Variants in DYSF observed in about 807,000 individuals in gnomAD.
DYSF encodes dystrophy-associated fer-1-like 1.
DYSF carries 212 observed loss-of-function variants against 274.9 expected under a neutral mutation model. That is an observed-to-expected ratio of 0.77 (90% CI 0.69 to 0.86). The LOEUF is 0.86. Ranked by LOEUF, DYSF falls within the 40% of genes least tolerant of loss-of-function variation. The pLI, the probability that DYSF is intolerant of heterozygous loss-of-function variation, is 0.00. For synonymous variants in DYSF, 1,091 were observed against 1,078.7 expected, an observed-to-expected ratio of 1.01 and a Z score of -0.22; for missense variants, 2,666 against 2,783.2, an observed-to-expected ratio of 0.96 and a Z score of 0.95.
At chr2:71,621,800 C>G (rs2094107812) in intron 41 of DYSF, among the ~76,000 whole-genome samples, 1 of 152,058 alleles carries the variant, frequency 6.6e-6, no homozygotes, top group Non-Finnish European at 1.5e-5. Context: ...GCTGGGACTA[C>G]AGGTGCGCAA....
intron 22 of DYSF, among the ~76,000 whole-genome samples, chr2:71,556,321 G>A (rs1188304872): frequency 6.6e-6 from 1 of 152,232 alleles, no homozygotes; most frequent in African/African-American, 2.4e-5. Flanking sequence ...ACCTGAATGG[G>A]GAGCATTGTG....
At chr2:71,494,479 C>T (rs114432630) in intron 3 of DYSF, among the ~76,000 whole-genome samples, 7,882 of 152,246 alleles carry the variant, frequency 0.052, 245 homozygotes, top group African/African-American at 0.1. Flanking sequence ...AAGAAGATGT[C>T]CCCCTAAACT....
intron 48 of DYSF, 92 bp downstream of exon 48, chr2:71,667,607 T>A: frequency 1.3e-6 from 2 of 1,562,050 alleles, no homozygotes; most frequent in Non-Finnish European, 1.7e-6. Context: ...AGCCAGTGGG[T>A]CCCTTGAGAT....
At chr2:71,589,512 G>A (rs2093185527) in intron 30 of DYSF, 81 bp from the exon 31 acceptor site, 1 of 1,098,598 alleles carries the variant, frequency 9.1e-7, no homozygotes, top group Non-Finnish European at 1.4e-6. Context: ...CTGGCCCTGG[G>A]GATCTAACTC....
upstream of DYSF, among the ~76,000 whole-genome samples, chr2:71,462,743 A>G (rs965112944): frequency 6.6e-6 from 1 of 152,174 alleles, no homozygotes; most frequent in African/African-American, 2.4e-5. Flanking sequence ...AGACCCACAT[A>G]GGGTAGCTCG....
chr2:71,463,037 G>A (rs146535307), upstream of DYSF, among the ~76,000 whole-genome samples: 1,014 of 152,298 alleles, frequency 6.7e-3, 11 homozygotes, highest in African/African-American at 0.02. Context: ...GGGTTTCACT[G>A]AGGACCCACC....
chr2:71,543,319 C>T (rs1358325032), intron 17 of DYSF, among the ~76,000 whole-genome samples: 3 of 150,808 alleles, frequency 2.0e-5, no homozygotes, highest in Non-Finnish European at 3.0e-5. Context: ...CGGGCAGAGA[C>T]ACTCCTCACT....
chr2:71,578,408 G>A (rs1245818751), intron 30 of DYSF, among the ~76,000 whole-genome samples: 2 of 152,254 alleles, frequency 1.3e-5, no homozygotes, highest in Non-Finnish European at 2.9e-5. Context: ...TGCTTGGTGG[G>A]GGAAATGTGG....
At chr2:71,618,573 TG>T (rs2093997746) in intron 40 of DYSF, among the ~76,000 whole-genome samples, 3 of 91,764 alleles carry the variant, frequency 3.3e-5, no homozygotes, top group African/African-American at 3.5e-5. Flanking sequence ...TGTGTTTGTG[TG>T]GGGTAGAGTT....
intron 30 of DYSF, among the ~76,000 whole-genome samples, chr2:71,580,898 G>A (rs144759894): frequency 7.9e-5 from 12 of 152,206 alleles, no homozygotes; most frequent in African/African-American, 2.2e-4. Context: ...AAATGCCAGC[G>A]CCCAGATTCA....
At chr2:71,618,284 AG>A (rs2093970420) in intron 40 of DYSF, among the ~76,000 whole-genome samples, 1 of 14,878 alleles carries the variant, frequency 6.7e-5, no homozygotes, top group Non-Finnish European at 1.2e-4. Flanking sequence ...TGTGTGGTAG[AG>A]GTGTGTGTGT....
chr2:71,611,401 C>G, intron 37 of DYSF, 55 bp downstream of exon 37: 1 of 1,614,040 alleles, frequency 6.2e-7, no homozygotes, highest in East Asian at 2.2e-5. Context: ...CTTCCCCTTC[C>G]TGGCCCCAGC....
At chr2:71,587,803 C>T (rs943298265) in intron 30 of DYSF, among the ~76,000 whole-genome samples, 3 of 152,168 alleles carry the variant, frequency 2.0e-5, no homozygotes, top group Non-Finnish European at 4.4e-5. Flanking sequence ...GAGGAGAGTC[C>T]AGGCATCTCC....
rs1413762731 is a variant in DYSF at position 71,615,188 on chromosome 2, C to T, written c.4464+1778C>T. On this transcript the variant is annotated intron_variant, in intron 40 of 55. Coordinates refer to ENST00000410020, the MANE Select transcript of DYSF (RefSeq NM_001130987.2). The surrounding 1 kb of genome is among the most constrained non-coding windows in gnomAD (Gnocchi z 4.9). Reference sequence around the variant, plus strand: ...AGGCCCAGCCTGGCCATCCTCCCGGCGTTGACATGAGGGAACTGGGGCTGG... The same window carrying T: ...AGGCCCAGCCTGGCCATCCTCCCGGTGTTGACATGAGGGAACTGGGGCTGG... Among the ~76,000 whole-genome samples the T allele has an allele frequency of 1.3e-5, 2 of 152,180 alleles. No individual in the cohort carries two copies. Among genetic ancestry groups the T allele is most frequent in the African/African-American group, 4.8e-5 (2 of 41,438 alleles).
At chr2:71,678,393 A>G (rs1488322843) in intron 52 of DYSF, among the ~76,000 whole-genome samples, 1 of 152,232 alleles carries the variant, frequency 6.6e-6, no homozygotes, top group Non-Finnish European at 1.5e-5. Context: ...ACAAGGATGA[A>G]CCCTGAAAAC....
At chr2:71,466,980 T>A (rs542042455) in intron 1 of DYSF, 47 bp downstream of exon 1, 1 of 1,535,876 alleles carries the variant, frequency 6.5e-7, no homozygotes, top group East Asian at 2.5e-5. Flanking sequence ...GCTACCCGAC[T>A]CTCGGCGCTC....
At chr2:71,664,204 C>T in intron 45 of DYSF, 64 bp from the exon 46 acceptor site, 6 of 1,608,950 alleles carry the variant, frequency 3.7e-6, no homozygotes, top group Non-Finnish European at 5.1e-6. Flanking sequence ...GAGCTCTTGT[C>T]CTGCCCTGCC....
chr2:71,514,318 A>T (rs1370815724), intron 7 of DYSF, among the ~76,000 whole-genome samples: 1 of 152,210 alleles, frequency 6.6e-6, no homozygotes, highest in Non-Finnish European at 1.5e-5. Flanking sequence ...CTTGTTAGAC[A>T]TGCAGAGTCT....
At position 71,591,372 on chromosome 2, in the gene DYSF, C is replaced by CTTCCTGCTCTGACCTGCTT. The variant is rs1487218294; in HGVS notation, c.3574+1084_3574+1085insTTCCTGCTCTGACCTGCTT. ...ACAGATCAACAGTGGTCTATCTCTGCCATCTCCTTCCTGCTCTGACCATGA... is the reference window on the plus strand; with the variant it reads ...ACAGATCAACAGTGGTCTATCTCTGCTTCCTGCTCTGACCTGCTTCATCTCCTTCCTGCTCTGACCATGA... On this transcript the variant is annotated intron_variant, in intron 32 of 55. Coordinates refer to ENST00000410020, the MANE Select transcript of DYSF (RefSeq NM_001130987.2). 9.8e-5 allele frequency among the ~76,000 whole-genome samples: 15 copies of CTTCCTGCTCTGACCTGCTT among 152,346 alleles called. No individual in the cohort carries two copies. In the East Asian group the frequency reaches 2.9e-3, roughly 29 times the overall value.
Sources: gnomAD v4.1 joint callset for allele counts (sites outside exome capture counted in the v4.1 genomes callset) on GRCh38, gnomAD v4.1.1 for gene constraint, Gnocchi (gnomAD v3.1) non-coding constraint, MANE v1.5 for transcripts, NCBI Gene and HGNC (gene_info 2026-07-23, HGNC 2026-07-21) for gene names.